Variants in STAP1 observed in about 807,000 individuals in gnomAD.
The protein encoded by STAP1 is signal-transducing adaptor protein 1.
STAP1 carries 30 observed loss-of-function variants against 37.8 expected under a neutral mutation model. The observed-to-expected ratio is 0.79, with a 90% CI of 0.59 to 1.08. STAP1 has a LOEUF of 1.08. Among genes scored for constraint, STAP1 ranks in the 50% least tolerant of loss-of-function variants. STAP1 has a pLI of 0.00. For missense variants in STAP1, 357 were observed against 349.4 expected (o/e 1.02, Z -0.17); for synonymous variants, 130 against 116.0 (o/e 1.12, Z -0.78).
Position 67,583,691 on chromosome 4 carries a change from G to T in STAP1, c.648G>T (p.Arg216=), listed in dbSNP as rs1475506892. Residue 216 remains arginine (R), a synonymous_variant, in exon 6 of 9, where the codon CGG becomes CGT. Transcript: ENST00000265404. The stretch of plus-strand genomic sequence containing the variant: ...GTAGAAACTACTCCATCACTATTCG[G>T]CAGGAGATAGAGTATGTTTATTTTT... ...SDSRNYSITI[R]QEIDIPRIKH... The T allele has an allele frequency of 6.2e-7, 1 of 1,610,848 alleles. No homozygotes were observed. The highest frequency in any genetic ancestry group is 1.7e-5 in the Admixed American group (1 of 59,246).
intron 1 of STAP1, among the ~76,000 whole-genome samples, chr4:67,569,648 T>C (rs2109857041): frequency 6.6e-6 from 1 of 152,320 alleles, no homozygotes; most frequent in South Asian, 2.1e-4. Context: ...TGTTTAAAAC[T>C]AAGACACACA....
At chr4:67,588,597 G>A (rs1306772741) in intron 6 of STAP1, among the ~76,000 whole-genome samples, 4 of 152,078 alleles carry the variant, frequency 2.6e-5, no homozygotes, top group African/African-American at 9.7e-5. Flanking sequence ...TTTTAGGAGA[G>A]ACGGGGTTTC....
chr4:67,588,351 G>A (rs1268619516), intron 6 of STAP1, among the ~76,000 whole-genome samples: 3 of 130,052 alleles, frequency 2.3e-5, no homozygotes, highest in Admixed American at 7.5e-5. Flanking sequence ...AGACGACGAC[G>A]ACGATGATGA....
chr4:67,586,184 C>T (rs1727975776), intron 6 of STAP1, among the ~76,000 whole-genome samples: 1 of 152,188 alleles, frequency 6.6e-6, no homozygotes, highest in Non-Finnish European at 1.5e-5. Context: ...TTCGGCCAGG[C>T]ACGGTGGCTC....
At chr4:67,582,321 G>GT (rs951656176) in intron 5 of STAP1, among the ~76,000 whole-genome samples, 9 of 131,832 alleles carry the variant, frequency 6.8e-5, no homozygotes, top group Admixed American at 3.1e-4. Flanking sequence ...TGTTTTTTTT[G>GT]TTTTTTTTGA....
chr4:67,604,262 T>C (rs1039769294), intron 8 of STAP1, among the ~76,000 whole-genome samples: 2 of 152,224 alleles, frequency 1.3e-5, no homozygotes, highest in Admixed American at 6.5e-5. Context: ...AGAGACCAGG[T>C]TGGCAATTCA....
intron 1 of STAP1, among the ~76,000 whole-genome samples, chr4:67,562,366 C>T (rs1034313108): frequency 2.0e-5 from 3 of 151,444 alleles, no homozygotes; most frequent in Non-Finnish European, 4.4e-5. Context: ...TTTTTTAGGG[C>T]TGTCTAAGTT....
chr4:67,591,432 A>G (rs180859879), intron 7 of STAP1, among the ~76,000 whole-genome samples: 5 of 152,330 alleles, frequency 3.3e-5, no homozygotes, highest in Admixed American at 6.5e-5. Flanking sequence ...AGCACTTGAC[A>G]TATATCATCC....
intron 1 of STAP1, among the ~76,000 whole-genome samples, chr4:67,559,272 A>G (rs1332148950): frequency 6.6e-6 from 1 of 152,162 alleles, no homozygotes; most frequent in African/African-American, 2.4e-5. Context: ...TCCACAATTT[A>G]TTGCTATGCT....
At chr4:67,570,784 G>A (rs539840663) in intron 1 of STAP1, among the ~76,000 whole-genome samples, 2 of 152,124 alleles carry the variant, frequency 1.3e-5, no homozygotes, top group East Asian at 1.9e-4. Flanking sequence ...AAAATGTTAA[G>A]CCAGGTATGG....
At chr4:67,572,132 G>C (rs1243978571) in intron 2 of STAP1, among the ~76,000 whole-genome samples, 1 of 152,272 alleles carries the variant, frequency 6.6e-6, no homozygotes, top group African/African-American at 2.4e-5. Flanking sequence ...TCCTAGCCCT[G>C]CCACTGTTAA....
intron 1 of STAP1, among the ~76,000 whole-genome samples, chr4:67,559,478 CTT>C (rs1476248677): frequency 1.3e-5 from 2 of 152,096 alleles, no homozygotes; most frequent in African/African-American, 2.4e-5. Context: ...AAGATAGTGA[CTT>C]TTAATTTTTG....
rs72642316 is a variant in STAP1, at chr4:67,575,904, T to A, written c.306+406T>A. 4.3e-3 allele frequency among the ~76,000 whole-genome samples: 656 copies of A among 152,248 alleles called. 5 individuals carry two copies. Among genetic ancestry groups the A allele is most frequent in the Non-Finnish European group, 6.6e-3 (452 of 68,020 alleles). ...ACTGATTGACCTTGAAAAGCACTGG[T>A]CTGAACTTCCGTGTAATAGGAATCG... On this transcript the variant is annotated intron_variant, in intron 3 of 8. Coordinates refer to ENST00000265404, the MANE Select transcript of STAP1 (RefSeq NM_012108.4).
At chr4:67,579,153 C>T (rs566903831) in intron 4 of STAP1, among the ~76,000 whole-genome samples, 11 of 152,156 alleles carry the variant, frequency 7.2e-5, no homozygotes, top group African/African-American at 1.9e-4. Context: ...CACGCCCAGC[C>T]CATGTGAATT....
At chr4:67,586,980 T>C (rs547355212) in intron 6 of STAP1, among the ~76,000 whole-genome samples, 1 of 152,356 alleles carries the variant, frequency 6.6e-6, no homozygotes, top group South Asian at 2.1e-4. Flanking sequence ...TTCAACTGTA[T>C]TGCACAAATT....
At chr4:67,563,316 T>C (rs1727393590) in intron 1 of STAP1, among the ~76,000 whole-genome samples, 1 of 152,220 alleles carries the variant, frequency 6.6e-6, no homozygotes, top group Non-Finnish European at 1.5e-5. Flanking sequence ...TTTTGAGGTA[T>C]AACATATAAT....
Position 67,593,363 on chromosome 4 carries a change from T to A in STAP1, c.826+7T>A. 6.3e-7 allele frequency: 1 copy of A among 1,587,386 alleles called. No individual in the cohort carries two copies. The highest frequency in any genetic ancestry group is 8.6e-7 in the Non-Finnish European group (1 of 1,159,726). On this transcript the variant is annotated splice_region_variant and intron_variant, in intron 8 of 8. Coordinates refer to ENST00000265404, the MANE Select transcript of STAP1 (RefSeq NM_012108.4). ...TCAACTGATGAAAACACTGGTATGT[T>A]TTTCACTTCATTGCTATGTTAAGGG...
At chr4:67,602,927 G>T (rs969404481) in intron 8 of STAP1, among the ~76,000 whole-genome samples, 1 of 152,110 alleles carries the variant, frequency 6.6e-6, no homozygotes, top group Non-Finnish European at 1.5e-5. Flanking sequence ...TCATGATTTG[G>T]CAAATGGCTA....
intron 2 of STAP1, among the ~76,000 whole-genome samples, chr4:67,574,676 G>T (rs1578025178): frequency 6.6e-6 from 1 of 152,140 alleles, no homozygotes; most frequent in Non-Finnish European, 1.5e-5. Context: ...CCTATGGCCT[G>T]ATTTTCTTCA....
Sources: allele counts gnomAD v4.1 joint callset (sites outside exome capture counted in the v4.1 genomes callset), GRCh38; gene constraint gnomAD v4.1.1; transcripts MANE v1.5; gene names NCBI Gene and HGNC (gene_info 2026-07-23, HGNC 2026-07-21).